Variants in AHNAK observed in about 807,000 individuals in gnomAD.
AHNAK encodes the protein neuroblast differentiation-associated protein AHNAK.
Under a neutral mutation model 37.8 loss-of-function variants are expected in AHNAK, and 23 were observed. That is an observed-to-expected ratio of 0.61 (90% CI 0.44 to 0.86). The LOEUF (loss-of-function observed/expected upper bound fraction) is 0.86, where lower values mean the gene tolerates loss of function less well. Among genes scored for constraint, AHNAK ranks in the 40% least tolerant of loss-of-function variants. AHNAK has a pLI of 0.00. For synonymous variants in AHNAK, 2,481 were observed against 2,636.3 expected (o/e 0.94, Z 1.80); for missense variants, 7,411 against 7,319.4 (o/e 1.01, Z -0.46).
rs1314731659 is a variant in AHNAK, at chr11:62,522,656, C to T, written c.11761G>A (p.Val3921Met). ...GPKVDINAPD[V>M]DVRGPDWHLK... ...TGCCAGTCTGGGCCTCGAACATCCA[C>T]ATCTGGGGCATTAATATCCACTTTG... The change falls in exon 5 of 5, where the codon GTG (valine) becomes ATG (methionine). Residue 3921 changes from valine (V) to methionine (M), a missense_variant. Transcript: ENST00000378024. 5 of 1,613,070 alleles carry T rather than the reference C, an allele frequency of 3.1e-6. No individual in the cohort carries two copies. Among genetic ancestry groups the T allele is most frequent in the Admixed American group, 1.7e-5 (1 of 59,864 alleles).
intron 5 of AHNAK, among the ~76,000 whole-genome samples, chr11:62,483,221 G>A (rs1228016739): frequency 1.3e-5 from 2 of 152,176 alleles, no homozygotes; most frequent in Non-Finnish European, 1.5e-5. Context: ...CAGGCCTTCT[G>A]CTTTACCAGA....
At chr11:62,455,742 G>T (rs1367271321) in intron 5 of AHNAK, among the ~76,000 whole-genome samples, 1 of 150,972 alleles carries the variant, frequency 6.6e-6, no homozygotes, top group Non-Finnish European at 1.5e-5. Flanking sequence ...GCGGGCACTT[G>T]TAATCCCAGC....
In AHNAK at chr11:62,533,080, C is replaced by T. The variant is rs758031972; in HGVS notation, c.1337G>A (p.Gly446Glu). Residue 446 changes from glycine to glutamate, a missense_variant, in exon 5 of 5, where the codon GGA becomes GAA. Gly to Glu is a moderately conservative substitution (Grantham distance 98). Coordinates refer to ENST00000378024, the MANE Select transcript of AHNAK (RefSeq NM_001620.3). The part of the protein sequence containing the change: ...VPKFSVSGAK[G>E]EETGIDVTLP... ...TGTCACATCAATCCCAGTTTCCTCT[C>T]CCTTTGCACCTGATACAGAGAACTT... The T allele has an allele frequency of 6.2e-6, 10 of 1,605,160 alleles. No individual in the cohort carries two copies. Among genetic ancestry groups the T allele is most frequent in the Non-Finnish European group, 7.6e-6 (9 of 1,176,652 alleles).
Position 62,521,779 on chromosome 11 carries a change from G to A in AHNAK, c.12638C>T (p.Pro4213Leu). 6.2e-7 allele frequency: 1 copy of A among 1,613,196 alleles called. No homozygotes were observed. Residue 4213 changes from proline (P) to leucine (L), a missense_variant, in exon 5 of 5, where the codon CCC becomes CTC. Pro to Leu is a moderately conservative substitution (Grantham distance 98, BLOSUM62 -3). Coordinates refer to ENST00000378024, the MANE Select transcript of AHNAK (RefSeq NM_001620.3). ...TCCTGAGACGTCAAGGTCAGCCTTG[G>A]GCAGGTTCACATCCACATCTGGGCC... ...GEGPDVDVNL[P>L]KADLDVSGPK...
chr11:62,487,579 C>A (rs780734476), intron 5 of AHNAK, among the ~76,000 whole-genome samples: 1 of 152,220 alleles, frequency 6.6e-6, no homozygotes, highest in Non-Finnish European at 1.5e-5. Flanking sequence ...TCACTGCAAC[C>A]TCCCCCTCCC....
chr11:62,516,290 A>G lies in AHNAK; in HGVS notation c.*454T>C. On this transcript the variant is annotated 3_prime_UTR_variant, in exon 5 of 5. Coordinates refer to ENST00000378024, the MANE Select transcript of AHNAK (RefSeq NM_001620.3). Reference sequence around the variant, plus strand: ...TTGCTGTTTGAACAGATCCAGTCTCAGGAAAGAGGAAGACCTGACCTCCGT... The same window carrying G: ...TTGCTGTTTGAACAGATCCAGTCTCGGGAAAGAGGAAGACCTGACCTCCGT... 1 of 1,289,298 alleles carries G rather than the reference A, an allele frequency of 7.8e-7. No individual in the cohort carries two copies. Among genetic ancestry groups the G allele is most frequent in the Non-Finnish European group, 1.0e-6 (1 of 988,814 alleles). 79.9% of individuals were successfully genotyped at this position (1,289,298 alleles called of 1,614,324 possible). A position where few individuals can be genotyped will look rare whatever the true frequency, so the allele number is the denominator to read the frequency against.
intron 5 of AHNAK, among the ~76,000 whole-genome samples, chr11:62,442,982 T>C (rs1938341952): frequency 6.6e-6 from 1 of 151,998 alleles, no homozygotes; most frequent in African/African-American, 2.4e-5. Flanking sequence ...CATCTTTCTT[T>C]TTTTTTTGAG....
In AHNAK at chr11:62,517,807, G is replaced by T; in HGVS notation, c.16610C>A (p.Ala5537Asp). The T allele has an allele frequency of 6.2e-7, 1 of 1,614,178 alleles. No individual in the cohort carries two copies. Among genetic ancestry groups the T allele is most frequent in the Non-Finnish European group, 8.5e-7 (1 of 1,180,048 alleles). Reference sequence around the variant, plus strand: ...CCCCTTCACACTGATATCAGGAGCAGCCCCATGGAAACCTACTTCTGAACC... The same window carrying T: ...CCCCTTCACACTGATATCAGGAGCATCCCCATGGAAACCTACTTCTGAACC... ...LKGSEVGFHG[A>D]APDISVKGPA... The change falls in exon 5 of 5, where the codon GCT becomes GAT. Residue 5537 changes from alanine to aspartate, a missense_variant. Physicochemically the swap from Ala to Asp is moderately radical, Grantham distance 126. Transcript: ENST00000378024.
intron 3 of AHNAK, 65 bp from the exon 4 acceptor site, chr11:62,535,255 C>T: frequency 7.0e-7 from 1 of 1,432,292 alleles, no homozygotes; most frequent in African/African-American, 1.4e-5. Context: ...CACACAGCCA[C>T]CACACACTGG....
intron 5 of AHNAK, among the ~76,000 whole-genome samples, chr11:62,476,258 G>A (rs1195323973): frequency 4.6e-5 from 7 of 152,116 alleles, no homozygotes; most frequent in Non-Finnish European, 8.8e-5. Flanking sequence ...GCATGGTGGC[G>A]CATGGCTATA....
intron 4 of AHNAK, among the ~76,000 whole-genome samples, chr11:62,503,144 G>A (rs17157361): frequency 0.026 from 4,019 of 152,256 alleles, 181 homozygotes; most frequent in African/African-American, 0.091. Context: ...GTGAGTGGGG[G>A]ACACGCCCTG....
chr11:62,524,610 A>G lies in AHNAK; in HGVS notation c.9807T>C (p.Ile3269=), dbSNP rs1940400953. The part of the protein sequence containing the change: ...KIDVDAPDID[I]HGPDAKLKGP... ...CTTTTAATTTGGCATCTGGGCCATG[A>G]ATGTCAATATCTGGAGCATCTACAT... is the stretch of plus-strand genomic sequence containing the variant. The change falls in exon 5 of 5, where the codon ATT becomes ATC. Residue 3269 remains isoleucine (I), a synonymous_variant. Transcript: ENST00000378024. 6.2e-7 allele frequency: 1 copy of G among 1,613,928 alleles called. No individual in the cohort carries two copies.
chr11:62,484,492 A>T (rs1590621255), intron 5 of AHNAK, among the ~76,000 whole-genome samples: 1 of 152,320 alleles, frequency 6.6e-6, no homozygotes, highest in Admixed American at 6.5e-5. Flanking sequence ...AGGTGACATT[A>T]TAAGGGGAAG....
In AHNAK at chr11:62,517,507, G is replaced by A. The variant is rs1448348531; in HGVS notation, c.16910C>T (p.Ala5637Val). ...GVKGGQIGLQ[A>V]PGLSVSGPQG... ...AGGCCCAGACACACTCAGCCCAGGA[G>A]CCTGGAGTCCAATCTGACCTCCTTT... Residue 5637 changes from alanine to valine, a missense_variant, in exon 5 of 5, where the codon GCT becomes GTT. Transcript: ENST00000378024. The A allele has an allele frequency of 1.2e-6, 2 of 1,614,062 alleles. No individual in the cohort carries two copies. Among genetic ancestry groups the A allele is most frequent in the Admixed American group, 3.3e-5 (2 of 59,998 alleles).
intron 5 of AHNAK, among the ~76,000 whole-genome samples, chr11:62,481,215 C>T (rs1373875089): frequency 6.6e-6 from 1 of 151,846 alleles, no homozygotes; most frequent in Non-Finnish European, 1.5e-5. Context: ...AAGCAGTTCT[C>T]CTGTCTCAAC....
At chr11:62,541,754 G>T (rs1237741038) in intron 1 of AHNAK, among the ~76,000 whole-genome samples, 3 of 152,184 alleles carry the variant, frequency 2.0e-5, no homozygotes, top group African/African-American at 4.8e-5. Flanking sequence ...GTGAAAGCAG[G>T]CCCAAGAGAT....
At chr11:62,507,813 C>T (rs1939836119) in intron 4 of AHNAK, among the ~76,000 whole-genome samples, 1 of 152,000 alleles carries the variant, frequency 6.6e-6, no homozygotes, top group Admixed American at 6.6e-5. Context: ...AACTGAGGCA[C>T]AATGAGGTTT....
intron 5 of AHNAK, among the ~76,000 whole-genome samples, chr11:62,437,465 C>T (rs965326592): frequency 2.6e-5 from 4 of 152,186 alleles, no homozygotes; most frequent in Admixed American, 2.0e-4. Flanking sequence ...AGTGATTCTC[C>T]TGCCTCAGCC....
chr11:62,434,913 A>G lies in AHNAK; in HGVS notation c.443-1022T>C, dbSNP rs1033425628. 2.1e-5 allele frequency among the ~76,000 whole-genome samples: 3 copies of G among 145,472 alleles called. No individual in the cohort carries two copies. The East Asian group carries it at 6.0e-4, about 29-fold the overall frequency. ...CTGTCACTGCACTTCAGCCTGGACA[A>G]CATGGCAAGACCCTGTCTCAAAAAA... On this transcript the variant is annotated intron_variant, in intron 5 of 5. Coordinates refer to the AHNAK transcript ENST00000257247.
Sources: allele counts gnomAD v4.1 joint callset (sites outside exome capture counted in the v4.1 genomes callset), GRCh38; gene constraint gnomAD v4.1.1; transcripts MANE v1.5; gene names NCBI Gene and HGNC (gene_info 2026-07-23, HGNC 2026-07-21).